The following CPT1B variants were observed in gnomAD, a reference collection of about 807,000 sequenced individuals.
CPT1B encodes carnitine palmitoyltransferase 1B, also known as carnitine O-palmitoyltransferase 1, muscle isoform.
CPT1B carries 57 observed loss-of-function variants against 92.7 expected under a neutral mutation model. That is an observed-to-expected ratio of 0.62 (90% CI 0.50 to 0.77). The LOEUF is 0.77. Among genes scored for constraint, CPT1B ranks in the 30% least tolerant of loss-of-function variants. The pLI, the probability that CPT1B is intolerant of heterozygous loss-of-function variation, is 0.00. For missense variants in CPT1B, 983 were observed against 1,017.4 expected, an observed-to-expected ratio of 0.97 and a Z score of 0.46; for synonymous variants, 398 against 383.5, an observed-to-expected ratio of 1.04 and a Z score of -0.44.
Position 50,577,449 on chromosome 22 carries a change from C to T in CPT1B, c.156G>A (p.Arg52=), listed in dbSNP as rs779727202. 1.9e-6 allele frequency: 3 copies of T among 1,613,638 alleles called. No individual in the cohort carries two copies. Among genetic ancestry groups the T allele is most frequent in the Non-Finnish European group, 2.5e-6 (3 of 1,179,950 alleles). The part of the protein sequence containing the change: ...RLIRIKNGIL[R]GVYPGSPTSW... ...TGGTGGGGCTGCCAGGGTACACGCC[C>T]CTGAGGATGCCATTCTGTGGGCAGA... Residue 52 remains arginine (R), a synonymous_variant, in exon 3 of 20, where the codon AGG becomes AGA. Coordinates refer to ENST00000312108, the MANE Select transcript of CPT1B (RefSeq NM_152246.3).
intron 13 of CPT1B, chr22:50,571,791 C>T (rs754558578): frequency 5.3e-5 from 35 of 655,576 alleles, no homozygotes; most frequent in Non-Finnish European, 8.7e-5. Flanking sequence ...TCATGGCTGT[C>T]TCTAAACACA....
In CPT1B at chr22:50,574,502, T is replaced by C; in HGVS notation, c.876A>G (p.Glu292=). 3 of 1,614,160 alleles carry C rather than the reference T, an allele frequency of 1.9e-6. No individual in the cohort carries two copies. Among genetic ancestry groups the C allele is most frequent in the Non-Finnish European group, 2.5e-6 (3 of 1,180,024 alleles). ...CCCTGACGCAACTCACAGGCTTGAT[T>C]TCTTCACGGTCCAGTTTACGGCGAT... ...IMYRRKLDRE[E]IKPVMALGIV... The change falls in exon 8 of 20, where the codon GAA becomes GAG. Residue 292 remains glutamate, a synonymous_variant. Transcript: ENST00000312108.
At chr22:50,578,093 A>C in intron 1 of CPT1B, 159 bp from the exon 2 acceptor site, 9 of 252,988 alleles carry the variant, frequency 3.6e-5, no homozygotes, top group South Asian at 1.6e-4. Context: ...CCGCCGCCAA[A>C]TCCTCGCGCC....
Position 50,569,597 on chromosome 22 carries a change from G to C in CPT1B, c.2214C>G (p.Ser738Arg), listed in dbSNP as rs374511828. ...TCACCGTCTCTGAGCTTGAGAACTT[G>C]CTGGAGATGTGGAAGAAGATCGTGT... ...GENTIFFHIS[S>R]KFSSSETNAQ... The change falls in exon 18 of 20, where the codon AGC becomes AGG. Residue 738 changes from serine to arginine, a missense_variant. Coordinates refer to ENST00000312108, the MANE Select transcript of CPT1B (RefSeq NM_152246.3). The C allele has an allele frequency of 5.0e-6, 8 of 1,613,906 alleles. No individual in the cohort carries two copies. Among genetic ancestry groups the C allele is most frequent in the Non-Finnish European group, 6.8e-6 (8 of 1,180,014 alleles).
Position 50,574,560 on chromosome 22 carries a change from C to T in CPT1B, c.818G>A (p.Arg273His), listed in dbSNP as rs777526020. 42 of 1,613,980 alleles carry T rather than the reference C, an allele frequency of 2.6e-5. No homozygotes were observed. Among genetic ancestry groups the T allele is most frequent in the Non-Finnish European group, 3.0e-5 (35 of 1,180,012 alleles). The change falls in exon 8 of 20, where the codon CGC (arginine) becomes CAC (histidine). Residue 273 changes from arginine to histidine, a missense_variant. Arg to His is a conservative substitution (Grantham distance 29, BLOSUM62 0). Coordinates refer to ENST00000312108, the MANE Select transcript of CPT1B (RefSeq NM_152246.3). ...CATGGCGTGGATGATGTTTCCCAGG[C>T]GGGCTGCCTGCACGTCTGTATTCTT... The part of the protein sequence containing the change: ...LIKNTDVQAA[R>H]LGNIIHAMIM...
rs2070284640 is a variant in CPT1B at position 50,573,505 on chromosome 22, C to A, written c.1166+15G>T. The A allele has an allele frequency of 1.3e-5, 20 of 1,593,008 alleles. No homozygotes were observed. Among genetic ancestry groups the A allele is most frequent in the Non-Finnish European group, 1.7e-5 (20 of 1,167,582 alleles). ...GAACTCAGGGTGGGGACAGTCCCTT[C>A]CTAGAGGCCAATACCTTCCTCCTGC... On this transcript the variant is annotated intron_variant, in intron 10 of 19. Coordinates refer to ENST00000312108, the MANE Select transcript of CPT1B (RefSeq NM_152246.3). This position sits in a 1 kb window ranked among gnomAD's most constrained non-coding sequence, Gnocchi z 5.0.
At chr22:50,575,960 T>C (rs748794433) in intron 7 of CPT1B, 75 bp downstream of exon 7, 50 of 1,412,798 alleles carry the variant, frequency 3.5e-5, no homozygotes, top group Non-Finnish European at 4.0e-5. Flanking sequence ...AGCTCTGGGC[T>C]GTCCTCCAGA....
At chr22:50,572,155 C>T (rs1157352983) in intron 12 of CPT1B, 33 bp from the exon 13 acceptor site, 2 of 1,612,336 alleles carry the variant, frequency 1.2e-6, no homozygotes, top group Non-Finnish European at 1.7e-6. Context: ...AGAGGCTGGC[C>T]TCATCCCCTA....
In CPT1B at chr22:50,576,934, G is replaced by A. The variant is rs2070467005; in HGVS notation, c.382C>T (p.Leu128=). 3 of 1,614,124 alleles carry A rather than the reference G, an allele frequency of 1.9e-6. No homozygotes were observed. In the East Asian group the frequency reaches 6.7e-5, roughly 36 times the overall value. ...VTGIFFFRQT[L]KLLLCYHGWM... is the part of the protein sequence containing the mutation. ...CCATGGTAGCAGAGAAGCAGCTTCA[G>A]GGTTTGGCGGAAGAAGAAGATGCCC... Residue 128 remains leucine, a synonymous_variant, in exon 4 of 20, where the codon CTG becomes TTG. Transcript: ENST00000312108.
chr22:50,571,711 C>T (rs1035392811), intron 13 of CPT1B, among the ~76,000 whole-genome samples, 172 bp from the exon 14 acceptor site: 6 of 152,194 alleles, frequency 3.9e-5, no homozygotes, highest in East Asian at 1.9e-4. Context: ...CCCCAGAGGC[C>T]GGGCTCAGCT....
Position 50,571,193 on chromosome 22 carries a change from C to T in CPT1B, c.1840G>A (p.Ala614Thr), listed in dbSNP as rs753347209. Reference protein sequence around the residue: ...TVRSCTSESTAFVQAMMEGSH... With the variant: ...TVRSCTSESTTFVQAMMEGSH... ...CCCTCCATCATGGCCTGCACAAAGGCTGTGGACTCGCTGGTACAGGAACGC... is the reference window on the plus strand; with the variant it reads ...CCCTCCATCATGGCCTGCACAAAGGTTGTGGACTCGCTGGTACAGGAACGC... The change falls in exon 15 of 20, where the codon GCC becomes ACC. Residue 614 changes from alanine (A) to threonine (T), a missense_variant. Physicochemically the swap from Ala to Thr is moderately conservative, Grantham distance 58 (BLOSUM62 0). Coordinates refer to ENST00000312108, the MANE Select transcript of CPT1B (RefSeq NM_152246.3). 1.9e-6 allele frequency: 3 copies of T among 1,614,166 alleles called. No individual in the cohort carries two copies. The highest frequency in any genetic ancestry group is 4.5e-5 in the East Asian group (2 of 44,884).
intron 13 of CPT1B, 122 bp from the exon 14 acceptor site, chr22:50,571,661 G>GTCT: frequency 8.9e-7 from 1 of 1,126,226 alleles, no homozygotes; most frequent in South Asian, 1.5e-5. Context: ...GACATCTTCA[G>GTCT]GAGGAGGGTA....
At chr22:50,577,535 C>G in intron 2 of CPT1B, 72 bp from the exon 3 acceptor site, 1 of 1,577,518 alleles carries the variant, frequency 6.3e-7, no homozygotes, top group Non-Finnish European at 8.6e-7. Flanking sequence ...GTCTTGGGAA[C>G]TGGCTCCTGG....
At chr22:50,572,794 C>A in intron 11 of CPT1B, 81 bp downstream of exon 11, 2 of 1,474,962 alleles carry the variant, frequency 1.4e-6, no homozygotes, top group South Asian at 1.2e-5. Flanking sequence ...CATAACCCTA[C>A]CTTCTTTTAT....
At chr22:50,576,402 C>G in intron 5 of CPT1B, 67 bp from the exon 6 acceptor site, 3 of 1,609,144 alleles carry the variant, frequency 1.9e-6, no homozygotes, top group Non-Finnish European at 2.6e-6. Flanking sequence ...AATCCTCTTC[C>G]CACCTCTCCC....
In CPT1B at chr22:50,573,731, C is replaced by T. The variant is rs749880818; in HGVS notation, c.971-16G>A. Reference sequence around the variant, plus strand: ...TGTAGCACATCTGTGATACAGGCCACGGGCAAGCTGAGGCGGGGCCCCCAG... The same window carrying T: ...TGTAGCACATCTGTGATACAGGCCATGGGCAAGCTGAGGCGGGGCCCCCAG... On this transcript the variant is annotated splice_polypyrimidine_tract_variant and intron_variant, in intron 9 of 19. Transcript: ENST00000312108. This position sits in a 1 kb window ranked among gnomAD's most constrained non-coding sequence, Gnocchi z 5.0. 1.5e-5 allele frequency: 24 copies of T among 1,607,346 alleles called. No homozygotes were observed. The highest frequency in any genetic ancestry group is 1.7e-4 in the Middle Eastern group (1 of 6,032).
intron 7 of CPT1B, 117 bp from the exon 8 acceptor site, chr22:50,574,717 A>C (rs970283570): frequency 1.4e-6 from 1 of 733,310 alleles, no homozygotes; most frequent in Non-Finnish European, 2.4e-6. Flanking sequence ...CTCTTCCAGT[A>C]CATCCTGCAC....
rs889196289 is a variant in CPT1B at position 50,570,385 on chromosome 22, G to A, written c.2050C>T (p.Leu684Phe). Residue 684 changes from leucine to phenylalanine, a missense_variant, in exon 17 of 20, where the codon CTC becomes TTC. Leu to Phe is a conservative substitution (Grantham distance 22, BLOSUM62 0). Coordinates refer to ENST00000312108, the MANE Select transcript of CPT1B (RefSeq NM_152246.3). The part of the protein sequence containing the change: ...LAEVLSEPWR[L>F]STSQIPQSQI... ...GATTGGGGGATCTGGCTGGTGGAGA[G>A]ACGCCAGGGTTCCGAGAGCACCTGC... 4 of 1,604,118 alleles carry A rather than the reference G, an allele frequency of 2.5e-6. 1 individual carries two copies. Among genetic ancestry groups the A allele is most frequent in the Non-Finnish European group, 3.4e-6 (4 of 1,174,040 alleles).
chr22:50,577,395 C>T lies in CPT1B; in HGVS notation c.210G>A (p.Val70=). The T allele has an allele frequency of 1.2e-6, 2 of 1,613,940 alleles. No individual in the cohort carries two copies. The highest frequency in any genetic ancestry group is 1.7e-6 in the Non-Finnish European group (2 of 1,180,008). Residue 70 remains valine, a synonymous_variant, in exon 3 of 20, where the codon GTG becomes GTA. Coordinates refer to ENST00000312108, the MANE Select transcript of CPT1B (RefSeq NM_152246.3). The part of the protein sequence containing the change: ...TSWLVVIMAT[V]GSSFCNVDIS... ...TGTCCACGTTGCAGAAGGAGGAACC[C>T]ACTGTTGCCATGATGACGACCAGCC...
Sources: gnomAD v4.1 joint callset for allele counts (sites outside exome capture counted in the v4.1 genomes callset) on GRCh38, gnomAD v4.1.1 for gene constraint, Gnocchi (gnomAD v3.1) non-coding constraint, MANE v1.5 for transcripts, NCBI Gene and HGNC (gene_info 2026-07-23, HGNC 2026-07-21) for gene names.